The following PHF24 variants were observed in gnomAD, a reference collection of about 807,000 sequenced individuals.
PHF24 encodes PHD finger protein 24, also known as Galpha inhibitory interacting protein.
PHF24 carries 25 observed loss-of-function variants against 42.6 expected under a neutral mutation model. That is an observed-to-expected ratio of 0.59 (90% CI 0.43 to 0.82). The LOEUF (loss-of-function observed/expected upper bound fraction) is 0.82, where lower values mean the gene tolerates loss of function less well. PHF24 is among the 40% of genes least tolerant of loss of function. The pLI is 0.00. For synonymous variants in PHF24, 185 were observed against 204.8 expected (o/e 0.90, Z 0.83); for missense variants, 470 against 538.1 (o/e 0.87, Z 1.25).
At chr9:34,756,832 A>T in the PHF24 span, among the ~76,000 whole-genome samples, 1 of 152,210 alleles carries the variant, frequency 6.6e-6, no homozygotes, top group East Asian at 1.9e-4. Context: ...ATATTAATTC[A>T]TCCAGTCTGT....
the PHF24 span, among the ~76,000 whole-genome samples, chr9:34,766,900 C>T: frequency 9.2e-5 from 14 of 152,166 alleles, no homozygotes; most frequent in East Asian, 5.8e-4. Flanking sequence ...CCTTTCTGTT[C>T]GTTAGTTTTC....
At chr9:34,833,657 G>C in the PHF24 span, 1 of 1,521,236 alleles carries the variant, frequency 6.6e-7, no homozygotes, top group South Asian at 1.2e-5. Context: ...TGTCTGGAGT[G>C]AGTGGGGGCT....
the PHF24 span, among the ~76,000 whole-genome samples, chr9:34,755,849 A>G: frequency 6.6e-6 from 1 of 151,980 alleles, no homozygotes; most frequent in African/African-American, 2.4e-5. Context: ...TTAGATGAAT[A>G]GTTTGTTAAT....
the PHF24 span, among the ~76,000 whole-genome samples, chr9:34,846,780 G>A: frequency 6.6e-6 from 1 of 152,156 alleles, no homozygotes; most frequent in African/African-American, 2.4e-5. Flanking sequence ...TTTTGTATAA[G>A]GTGTAAGGAA....
chr9:34,704,233 G>A, the PHF24 span, among the ~76,000 whole-genome samples: 1,907 of 150,538 alleles, frequency 0.013, 26 homozygotes, highest in South Asian at 0.028. Context: ...GTCTTGCTTC[G>A]TTGCCCAGGC....
chr9:34,686,352 C>G, the PHF24 span, among the ~76,000 whole-genome samples: 1 of 152,190 alleles, frequency 6.6e-6, no homozygotes. Context: ...GAAGCTGGCT[C>G]TGAACAAACG....
chr9:34,965,548 CT>C (rs1355930375), intron 1 of PHF24, among the ~76,000 whole-genome samples: 1 of 152,228 alleles, frequency 6.6e-6, no homozygotes, highest in African/African-American at 2.4e-5. Context: ...TAGATGTCAG[CT>C]TCAGTCTTCA....
At chr9:34,923,123 C>T in the PHF24 span, among the ~76,000 whole-genome samples, 1 of 150,706 alleles carries the variant, frequency 6.6e-6, no homozygotes, top group Non-Finnish European at 1.5e-5. Context: ...TTGAAATGAT[C>T]ATATGATTTT....
upstream of PHF24, chr9:34,958,226 GCGCCGC>G (rs1240549939): frequency 0.19 from 27,947 of 150,936 alleles, 2,987 homozygotes; most frequent in Non-Finnish European, 0.24. The surrounding 1 kb of genome is among the most constrained non-coding windows in gnomAD (Gnocchi z 4.5). Flanking sequence ...CCGGCCGCGC[GCGCCGC>G]CGCCGCCGCC....
chr9:34,688,347 C>G, the PHF24 span, among the ~76,000 whole-genome samples: 1 of 152,168 alleles, frequency 6.6e-6, no homozygotes, highest in African/African-American at 2.4e-5. Context: ...TAGCCTGCTT[C>G]CCCAGGAGAC....
chr9:34,887,053 C>T, the PHF24 span, among the ~76,000 whole-genome samples: 2 of 152,134 alleles, frequency 1.3e-5, no homozygotes, highest in Non-Finnish European at 2.9e-5. Flanking sequence ...CAGTATTTCC[C>T]ACATCAATTA....
chr9:34,733,154 C>A, the PHF24 span, among the ~76,000 whole-genome samples: 7 of 152,268 alleles, frequency 4.6e-5, no homozygotes, highest in South Asian at 2.1e-4. Flanking sequence ...TGTAAGGGTG[C>A]CTCTCTTCCT....
the PHF24 span, among the ~76,000 whole-genome samples, chr9:34,729,005 TC>T: frequency 6.6e-6 from 1 of 151,992 alleles, no homozygotes; most frequent in Non-Finnish European, 1.5e-5. Flanking sequence ...ACCGGAAAAA[TC>T]CCCCATATTC....
At chr9:34,695,011 T>C in the PHF24 span, among the ~76,000 whole-genome samples, 1 of 152,224 alleles carries the variant, frequency 6.6e-6, no homozygotes, top group Non-Finnish European at 1.5e-5. Context: ...AGATTGTGTC[T>C]TTTGTATGCT....
At chr9:34,943,484 C>T in the PHF24 span, among the ~76,000 whole-genome samples, 11 of 152,138 alleles carry the variant, frequency 7.2e-5, no homozygotes, top group Admixed American at 2.6e-4. Context: ...ATTAGTTGGT[C>T]TCTGTAGACC....
the PHF24 span, among the ~76,000 whole-genome samples, chr9:34,847,743 T>G: frequency 1.6e-3 from 242 of 152,218 alleles, no homozygotes; most frequent in African/African-American, 4.9e-3. Context: ...GGGTTTGTCA[T>G]AGATAGCTCT....
chr9:34,874,818 A>G, the PHF24 span, among the ~76,000 whole-genome samples: 2 of 152,004 alleles, frequency 1.3e-5, no homozygotes, highest in African/African-American at 4.8e-5. Flanking sequence ...TATTTTTTAA[A>G]ATTTTTGTGG....
the PHF24 span, among the ~76,000 whole-genome samples, chr9:34,707,150 T>A: frequency 7.7e-4 from 117 of 152,294 alleles, no homozygotes; most frequent in Non-Finnish European, 1.3e-3. Flanking sequence ...GTGACAGGAC[T>A]GTTGAGTAGA....
the PHF24 span, among the ~76,000 whole-genome samples, chr9:34,896,582 A>G: frequency 6.6e-6 from 1 of 152,198 alleles, no homozygotes; most frequent in Non-Finnish European, 1.5e-5. Flanking sequence ...ACTTTCGATT[A>G]AGGTTCACAA....
Sources: gnomAD v4.1 joint callset for allele counts (sites outside exome capture counted in the v4.1 genomes callset) on GRCh38, gnomAD v4.1.1 for gene constraint, Gnocchi (gnomAD v3.1) non-coding constraint, MANE v1.5 for transcripts, NCBI Gene and HGNC (gene_info 2026-07-23, HGNC 2026-07-21) for gene names.